Variants in ZKSCAN1 observed in about 807,000 individuals in gnomAD.
ZKSCAN1 encodes zinc finger with KRAB and SCAN domains 1.
ZKSCAN1 carries 14 observed loss-of-function variants against 51.6 expected under a neutral mutation model. The ratio of observed to expected loss-of-function variants is 0.27; its 90% CI spans 0.18 to 0.42. The LOEUF (loss-of-function observed/expected upper bound fraction) is 0.42. ZKSCAN1 is among the 10% of genes least tolerant of loss of function. The pLI, the probability that ZKSCAN1 is intolerant of heterozygous loss-of-function variation, is 1.00. For missense variants in ZKSCAN1, 531 were observed against 710.0 expected, an observed-to-expected ratio of 0.75 and a Z score of 2.86; for synonymous variants, 263 against 261.5, an observed-to-expected ratio of 1.01 and a Z score of -0.06.
Position 100,037,575 on chromosome 7 carries a change from C to T in ZKSCAN1, c.*3378C>T. On this transcript the variant is annotated 3_prime_UTR_variant, in exon 6 of 6. Coordinates refer to ENST00000324306, the MANE Select transcript of ZKSCAN1 (RefSeq NM_003439.4). ...CAAAGCCTTTAATCACATCTCAGCC[C>T]TTAGCATCGGAAAGCTTATACTGTA... The T allele has an allele frequency of 1.0e-6, 1 of 985,412 alleles. No individual in the cohort carries two copies. Among genetic ancestry groups the T allele is most frequent in the Non-Finnish European group, 1.2e-6 (1 of 829,934 alleles). The allele number at this position is 985,412 out of a possible 1,614,324, so 61.0% of individuals were successfully genotyped here. A position where few individuals can be genotyped will look rare whatever the true frequency, so the allele number is the denominator to read the frequency against.
intron 5 of ZKSCAN1, 89 bp downstream of exon 5, chr7:100,030,464 T>G (rs1791060150): frequency 6.7e-7 from 1 of 1,482,160 alleles, no homozygotes; most frequent in East Asian, 2.5e-5. Context: ...CAATTGAGTG[T>G]TGAGGAGTTA....
At position 100,030,327 on chromosome 7, in the gene ZKSCAN1, C is replaced by G; in HGVS notation, c.751C>G (p.Leu251Val). The G allele has an allele frequency of 6.2e-7, 1 of 1,614,134 alleles. No homozygotes were observed. The highest frequency in any genetic ancestry group is 2.2e-5 in the East Asian group (1 of 44,876). Residue 251 changes from leucine to valine, a missense_variant, in exon 5 of 6, where the codon CTC (leucine) becomes GTC (valine). Around this residue, in one of 2 missense-constraint regions of ZKSCAN1, gnomAD observed 403 missense variants for 490.5 expected, o/e 0.82. Coordinates refer to ENST00000324306, the MANE Select transcript of ZKSCAN1 (RefSeq NM_003439.4). ...WGCQNLARRN[L>V]SRDNRQENYG... Reference sequence around the variant, plus strand: ...ATGTCAGAATCTGGCTCGGAGGAATCTCAGTAGGGACAACAGGCAGGAGAA... The same window carrying G: ...ATGTCAGAATCTGGCTCGGAGGAATGTCAGTAGGGACAACAGGCAGGAGAA...
intron 4 of ZKSCAN1, 82 bp downstream of exon 4, chr7:100,030,034 C>A: frequency 6.6e-7 from 1 of 1,507,888 alleles, no homozygotes; most frequent in South Asian, 1.2e-5. Flanking sequence ...CCACAGGCCA[C>A]TCTGGATGCC....
rs531008301 is a variant in ZKSCAN1, at chr7:100,026,322, C to T, written c.580+2015C>T. Among the ~76,000 whole-genome samples, 3 of 150,800 alleles carry T rather than the reference C, an allele frequency of 2.0e-5. No individual in the cohort carries two copies. In the South Asian group the frequency reaches 6.3e-4, roughly 32 times the overall value. On this transcript the variant is annotated intron_variant, in intron 3 of 5. Transcript: ENST00000324306. Reference sequence around the variant, plus strand: ...GGACCGGAAGTTGCTCTGGATGAGTCAGTGAGTGAGTGGTGAGTGAATGTG... The same window carrying T: ...GGACCGGAAGTTGCTCTGGATGAGTTAGTGAGTGAGTGGTGAGTGAATGTG...
At chr7:100,026,663 T>G (rs1790849431) in intron 3 of ZKSCAN1, among the ~76,000 whole-genome samples, 1 of 151,824 alleles carries the variant, frequency 6.6e-6, no homozygotes, top group African/African-American at 2.4e-5. Flanking sequence ...AGGCAGAGGT[T>G]GTGGTGAGCC....
At position 100,038,175 on chromosome 7, in the gene ZKSCAN1, T is replaced by C; in HGVS notation, c.*3978T>C. 2 of 985,478 alleles carry C rather than the reference T, an allele frequency of 2.0e-6. No homozygotes were observed. The highest frequency in any genetic ancestry group is 2.4e-6 in the Non-Finnish European group (2 of 829,944). The allele number at this position is 985,478 out of a possible 1,614,324, so 61.0% of individuals were successfully genotyped here. The stretch of plus-strand genomic sequence containing the variant: ...TACTTCTATATATTTTATATGACCA[T>C]AATGTCCGTGTGTGTTTTGTACCTT... On this transcript the variant is annotated 3_prime_UTR_variant, in exon 6 of 6. Coordinates refer to ENST00000324306, the MANE Select transcript of ZKSCAN1 (RefSeq NM_003439.4).
In ZKSCAN1 at chr7:100,033,167, G is replaced by C; in HGVS notation, c.800-138G>C. On this transcript the variant is annotated intron_variant, in intron 5 of 5. Coordinates refer to ENST00000324306, the MANE Select transcript of ZKSCAN1 (RefSeq NM_003439.4). The surrounding 1 kb of genome is among the most constrained non-coding windows in gnomAD (Gnocchi z 4.1). Reference sequence around the variant, plus strand: ...AGCCTGGGCGACAGAGCGAGACTCTGTCTCAAAGGAAATAAAAATAAAAAT... The same window carrying C: ...AGCCTGGGCGACAGAGCGAGACTCTCTCTCAAAGGAAATAAAAATAAAAAT... The C allele has an allele frequency of 7.1e-7, 1 of 1,407,546 alleles. No homozygotes were observed. Among genetic ancestry groups the C allele is most frequent in the Non-Finnish European group, 9.3e-7 (1 of 1,076,006 alleles). 87.2% of individuals were successfully genotyped at this position (1,407,546 alleles called of 1,614,324 possible).
intron 5 of ZKSCAN1, 70 bp downstream of exon 5, chr7:100,030,445 T>C: frequency 6.5e-7 from 1 of 1,544,536 alleles, no homozygotes; most frequent in Non-Finnish European, 8.8e-7. Context: ...GTGGGATCTC[T>C]GATGTGTTCA....
rs11338572 is a variant in ZKSCAN1, at chr7:100,039,315, G to GA, written c.*5130dup. 8.0e-4 allele frequency: 703 copies of GA among 875,464 alleles called. No individual in the cohort carries two copies. Among genetic ancestry groups the GA allele is most frequent in the Non-Finnish European group, 9.0e-4 (658 of 732,680 alleles). 54.2% of individuals were successfully genotyped at this position (875,464 alleles called of 1,614,324 possible). On this transcript the variant is annotated 3_prime_UTR_variant, in exon 6 of 6. Transcript: ENST00000324306. The stretch of plus-strand genomic sequence containing the variant: ...TAACAGAGACTCTGTCTCAAAAAAA[G>GA]AAAAAAAAAAAAGAAAGAAAGAAAG...
intron 1 of ZKSCAN1, among the ~76,000 whole-genome samples, chr7:100,016,193 A>G (rs778264427): frequency 1.3e-5 from 2 of 152,084 alleles, no homozygotes; most frequent in Non-Finnish European, 2.9e-5. Context: ...AGAGATGGAC[A>G]CATTTTGAGG....
intron 5 of ZKSCAN1, among the ~76,000 whole-genome samples, chr7:100,031,722 C>T (rs1309728421): frequency 1.3e-5 from 2 of 152,216 alleles, no homozygotes; most frequent in East Asian, 3.8e-4. Flanking sequence ...CTGTGTTCCT[C>T]TCCTTGTTGG....
chr7:100,018,093 G>A (rs754353824), intron 1 of ZKSCAN1, among the ~76,000 whole-genome samples: 17 of 152,272 alleles, frequency 1.1e-4, no homozygotes, highest in South Asian at 2.1e-4. Context: ...ATACAGATGA[G>A]GAAACTGACG....
In ZKSCAN1 at chr7:100,016,331, C is replaced by A. The variant is rs544446290; in HGVS notation, c.-89+605C>A. 1.6e-3 allele frequency among the ~76,000 whole-genome samples: 240 copies of A among 152,172 alleles called. 2 individuals are homozygous for A. The highest frequency in any genetic ancestry group is 6.8e-3 in the Middle Eastern group (2 of 294). On this transcript the variant is annotated intron_variant, in intron 1 of 5. Coordinates refer to ENST00000324306, the MANE Select transcript of ZKSCAN1 (RefSeq NM_003439.4). ...TGGGATCTAGTAGAGATTATATACACCCCACTCTTTCAGCTTGATGGAATG... is the reference window on the plus strand; with the variant it reads ...TGGGATCTAGTAGAGATTATATACAACCCACTCTTTCAGCTTGATGGAATG...
chr7:100,018,254 G>A (rs1363931611), intron 1 of ZKSCAN1, among the ~76,000 whole-genome samples: 1 of 152,134 alleles, frequency 6.6e-6, no homozygotes, highest in African/African-American at 2.4e-5. Context: ...TTAAAAAATA[G>A]TAACGTTGTC....
chr7:100,044,390 G>A (rs1407600200), downstream of ZKSCAN1, among the ~76,000 whole-genome samples: 6 of 152,016 alleles, frequency 3.9e-5, no homozygotes, highest in Non-Finnish European at 7.4e-5. Context: ...GCACTGAGCC[G>A]GGCATGGTGG....
In ZKSCAN1 at chr7:100,035,294, A is replaced by AC. The variant is rs1416578017; in HGVS notation, c.*1097_*1098insC. 1 of 152,260 alleles carries AC rather than the reference A, an allele frequency of 6.6e-6. No individual in the cohort carries two copies. The highest frequency in any genetic ancestry group is 1.5e-5 in the Non-Finnish European group (1 of 68,044). 9.4% of individuals were successfully genotyped at this position (152,260 alleles called of 1,614,324 possible). On this transcript the variant is annotated 3_prime_UTR_variant, in exon 6 of 6. Coordinates refer to ENST00000324306, the MANE Select transcript of ZKSCAN1 (RefSeq NM_003439.4). ...GTCTGATGCTGTTTTTGTTCCAAAT[A>AC]TAAACGAAAGGCACTAGTCAGCCGC...
Position 100,023,751 on chromosome 7 carries a change from A to G in ZKSCAN1, c.245A>G (p.His82Arg), listed in dbSNP as rs1790693840. The G allele has an allele frequency of 1.2e-6, 2 of 1,614,168 alleles. No individual in the cohort carries two copies. Among genetic ancestry groups the G allele is most frequent in the South Asian group, 1.1e-5 (1 of 91,076 alleles). ...CTCAGTCGGCTGAAGGAACTTTGTCATCAGTGGCTGCGGCCAGAAATAAAC... is the reference window on the plus strand; with the variant it reads ...CTCAGTCGGCTGAAGGAACTTTGTCGTCAGTGGCTGCGGCCAGAAATAAAC... ...EALSRLKELC[H>R]QWLRPEINTK... Residue 82 changes from histidine (H) to arginine (R), a missense_variant, in exon 2 of 6, where the codon CAT becomes CGT. Physicochemically the swap from His to Arg is conservative, Grantham distance 29. This residue lies in a region of ZKSCAN1 where 403 missense variants were observed against 490.5 expected (regional missense o/e 0.82). Transcript: ENST00000324306.
chr7:100,034,333 C>G lies in ZKSCAN1; in HGVS notation c.*136C>G. The G allele has an allele frequency of 6.9e-7, 1 of 1,458,838 alleles. No individual in the cohort carries two copies. The highest frequency in any genetic ancestry group is 9.0e-7 in the Non-Finnish European group (1 of 1,115,486). The allele number at this position is 1,458,838 out of a possible 1,614,324, so 90.4% of individuals were successfully genotyped here. A position where few individuals can be genotyped will look rare whatever the true frequency, so the allele number is the denominator to read the frequency against. ...AGTCACACTTAAGGATCCTTCTAGT[C>G]ACATCAGCAGTGTTCTGCCTTTATG... On this transcript the variant is annotated 3_prime_UTR_variant, in exon 6 of 6. Coordinates refer to ENST00000324306, the MANE Select transcript of ZKSCAN1 (RefSeq NM_003439.4).
downstream of ZKSCAN1, chr7:100,045,084 G>A: frequency 1.6e-6 from 1 of 628,810 alleles, no homozygotes; most frequent in Non-Finnish European, 2.0e-6. Flanking sequence ...GGTTTCCGCT[G>A]CAAAGGGCAC....
Sources: allele counts gnomAD v4.1 joint callset (sites outside exome capture counted in the v4.1 genomes callset), GRCh38; gene constraint gnomAD v4.1.1; regional missense constraint gnomAD v4.1.1; non-coding constraint Gnocchi (gnomAD v3.1); transcripts MANE v1.5; gene names NCBI Gene and HGNC (gene_info 2026-07-23, HGNC 2026-07-21).